Variants in KIAA1328 observed in about 807,000 individuals in gnomAD.
KIAA1328 encodes the protein protein hinderin.
A neutral mutation model predicts 68.1 loss-of-function variants in KIAA1328; 52 were observed. The observed-to-expected ratio is 0.76, with a 90% CI of 0.61 to 0.96. The LOEUF (loss-of-function observed/expected upper bound fraction) is 0.96. Ranked by LOEUF, KIAA1328 falls within the 40% of genes least tolerant of loss-of-function variation. The pLI is 0.00. For synonymous variants in KIAA1328, 232 were observed against 239.4 expected, an observed-to-expected ratio of 0.97 and a Z score of 0.28; for missense variants, 641 against 677.6, an observed-to-expected ratio of 0.95 and a Z score of 0.60.
At chr18:37,010,780 A>G (rs1468267085) in intron 6 of KIAA1328, among the ~76,000 whole-genome samples, 1 of 152,186 alleles carries the variant, frequency 6.6e-6, no homozygotes, top group Non-Finnish European at 1.5e-5. Flanking sequence ...GATTAAAATG[A>G]TACTGTCATT....
At chr18:36,999,955 A>G (rs1322267505) in intron 6 of KIAA1328, among the ~76,000 whole-genome samples, 1 of 152,162 alleles carries the variant, frequency 6.6e-6, no homozygotes, top group Non-Finnish European at 1.5e-5. Context: ...AACAAAGAAT[A>G]TATAAGACAA....
chr18:36,982,154 TA>T lies in KIAA1328; in HGVS notation c.576+22721del, dbSNP rs398120333. 5.3e-5 allele frequency among the ~76,000 whole-genome samples: 3 copies of T among 56,832 alleles called. No homozygotes were observed. In the Admixed American group the frequency reaches 7.9e-4, roughly 15 times the overall value. The allele number at this position is 56,832 out of a possible 152,430, so 37.3% of individuals were successfully genotyped here. ...TTATAAAAATATAAATAAATATATATAATATATATATATAATATATATAACT... is the reference window on the plus strand; with the variant it reads ...TTATAAAAATATAAATAAATATATATATATATATATATAATATATATAACT... On this transcript the variant is annotated intron_variant, in intron 6 of 9. Coordinates refer to ENST00000280020, the MANE Select transcript of KIAA1328 (RefSeq NM_020776.3).
intron 6 of KIAA1328, among the ~76,000 whole-genome samples, chr18:37,000,340 G>T (rs1568274691): frequency 6.6e-6 from 1 of 152,066 alleles, no homozygotes; most frequent in Non-Finnish European, 1.5e-5. Flanking sequence ...TCCAACATTG[G>T]AGCACTCAGA....
At chr18:37,138,808 C>G (rs1293057197) in intron 7 of KIAA1328, among the ~76,000 whole-genome samples, 2 of 151,928 alleles carry the variant, frequency 1.3e-5, no homozygotes, top group Non-Finnish European at 2.9e-5. Flanking sequence ...ACCTCCATGC[C>G]TGAATACAGA....
intron 7 of KIAA1328, among the ~76,000 whole-genome samples, chr18:37,149,442 A>G (rs2058978920): frequency 6.6e-6 from 1 of 152,228 alleles, no homozygotes; most frequent in Non-Finnish European, 1.5e-5. Flanking sequence ...ACCCAAAACT[A>G]TAAAAACCCT....
At chr18:37,010,768 C>A (rs1336234462) in intron 6 of KIAA1328, among the ~76,000 whole-genome samples, 1 of 152,080 alleles carries the variant, frequency 6.6e-6, no homozygotes, top group Non-Finnish European at 1.5e-5. Context: ...ACCTTGGAAC[C>A]TGATTAAAAT....
chr18:36,968,173 T>A (rs1860087555), intron 6 of KIAA1328, among the ~76,000 whole-genome samples: 1 of 152,042 alleles, frequency 6.6e-6, no homozygotes, highest in Non-Finnish European at 1.5e-5. Context: ...CACACTTAAG[T>A]ACACAGACCA....
intron 7 of KIAA1328, among the ~76,000 whole-genome samples, chr18:37,102,349 T>A (rs2057646771): frequency 6.6e-6 from 1 of 152,168 alleles, no homozygotes. Context: ...AGTGGGATGA[T>A]CTGTGAAGCA....
chr18:36,916,104 T>C (rs1383758147), intron 5 of KIAA1328, among the ~76,000 whole-genome samples: 1 of 152,182 alleles, frequency 6.6e-6, no homozygotes, highest in Non-Finnish European at 1.5e-5. Flanking sequence ...TTTTTGAACA[T>C]AAACATTTAT....
intron 5 of KIAA1328, among the ~76,000 whole-genome samples, chr18:36,895,162 C>G (rs767939256): frequency 5.3e-5 from 8 of 152,160 alleles, no homozygotes; most frequent in Non-Finnish European, 1.0e-4. Context: ...CCCTAACTTG[C>G]GTATCTTCTT....
intron 7 of KIAA1328, among the ~76,000 whole-genome samples, chr18:37,107,524 C>G (rs1356130027): frequency 6.6e-6 from 1 of 152,144 alleles, no homozygotes; most frequent in East Asian, 1.9e-4. Context: ...TGTGTTGTCT[C>G]TGATTTCCTT....
chr18:36,962,513 T>C (rs2051725671), intron 6 of KIAA1328, among the ~76,000 whole-genome samples: 1 of 152,196 alleles, frequency 6.6e-6, no homozygotes, highest in Admixed American at 6.5e-5. Flanking sequence ...ATCAACAGAA[T>C]ATACATTCTT....
At chr18:36,872,292 A>G (rs547765422) in intron 4 of KIAA1328, among the ~76,000 whole-genome samples, 1 of 152,246 alleles carries the variant, frequency 6.6e-6, no homozygotes, top group South Asian at 2.1e-4. Flanking sequence ...TATGAGTCTG[A>G]TTAGCACAGG....
chr18:37,210,130 T>A (rs1301599537), intron 9 of KIAA1328, among the ~76,000 whole-genome samples: 1 of 152,192 alleles, frequency 6.6e-6, no homozygotes, highest in African/African-American at 2.4e-5. Flanking sequence ...AGTCCATGGA[T>A]GGACCCTGAA....
intron 7 of KIAA1328, among the ~76,000 whole-genome samples, chr18:37,143,248 C>T (rs1291080269): frequency 6.6e-6 from 1 of 152,098 alleles, no homozygotes; most frequent in Non-Finnish European, 1.5e-5. Context: ...AGCCACCATG[C>T]CCGGCCTACT....
intron 5 of KIAA1328, among the ~76,000 whole-genome samples, chr18:36,910,924 T>C (rs1177903853): frequency 6.6e-6 from 1 of 151,814 alleles, no homozygotes. Context: ...GAATGAAGAG[T>C]CTGAAACTAA....
At chr18:36,925,672 G>C (rs1324974341) in intron 5 of KIAA1328, among the ~76,000 whole-genome samples, 1 of 151,776 alleles carries the variant, frequency 6.6e-6, no homozygotes, top group Non-Finnish European at 1.5e-5. Context: ...TAAGTAGCTG[G>C]GACTACAGGT....
intron 5 of KIAA1328, among the ~76,000 whole-genome samples, chr18:36,934,747 C>T (rs1045396215): frequency 1.3e-5 from 2 of 151,958 alleles, no homozygotes; most frequent in Non-Finnish European, 2.9e-5. Context: ...CTAACTTTTA[C>T]CCTTTGAAGG....
In KIAA1328 at chr18:37,071,057, C is replaced by CT. The variant is rs58722044; in HGVS notation, c.1232+3539dup. Reference sequence around the variant, plus strand: ...TTTTTTGTTTTTGATTTTTTTCTTCCTTTTTTTTTTTTTTTTTTTTTTTTT... The same window carrying CT: ...TTTTTTGTTTTTGATTTTTTTCTTCCTTTTTTTTTTTTTTTTTTTTTTTTTT... On this transcript the variant is annotated intron_variant, in intron 7 of 9. Transcript: ENST00000280020. Among the ~76,000 whole-genome samples the CT allele has an allele frequency of 5.4e-3, 469 of 86,826 alleles. 40 individuals are homozygous for CT. The highest frequency in any genetic ancestry group is 6.0e-3 in the Non-Finnish European group (265 of 43,804). 57.0% of individuals were successfully genotyped at this position (86,826 alleles called of 152,430 possible).
Sources: allele counts gnomAD v4.1 joint callset (sites outside exome capture counted in the v4.1 genomes callset), GRCh38; gene constraint gnomAD v4.1.1; transcripts MANE v1.5; gene names NCBI Gene and HGNC (gene_info 2026-07-23, HGNC 2026-07-21).